Variants in SPINT4 observed in about 807,000 individuals in gnomAD.
SPINT4 encodes the protein kunitz-type protease inhibitor 4.
SPINT4 carries 7 observed loss-of-function variants against 9.4 expected under a neutral mutation model. That is an observed-to-expected ratio of 0.74 (90% CI 0.42 to 1.40). SPINT4 has a LOEUF of 1.40. SPINT4 is among the 40% of genes most tolerant of loss of function. SPINT4 has a pLI of 0.01. For missense variants in SPINT4, 105 were observed against 114.4 expected, an observed-to-expected ratio of 0.92 and a Z score of 0.37; for synonymous variants, 36 against 39.9, an observed-to-expected ratio of 0.90 and a Z score of 0.37.
intron 1 of SPINT4, among the ~76,000 whole-genome samples, chr20:45,723,667 A>G (rs1392062650): frequency 6.6e-6 from 1 of 152,128 alleles, no homozygotes. Flanking sequence ...TACACTGCTC[A>G]CGACAACAAC....
intron 2 of SPINT4, among the ~76,000 whole-genome samples, chr20:45,724,529 AAAAAC>A (rs1347574200): frequency 3.2e-5 from 4 of 123,420 alleles, no homozygotes; most frequent in Admixed American, 7.7e-5. Flanking sequence ...AAAAAAAAAA[AAAAAC>A]CACATTTGGG....
chr20:45,723,738 A>G, intron 1 of SPINT4, 142 bp from the exon 2 acceptor site: 1 of 696,458 alleles, frequency 1.4e-6, no homozygotes, highest in Non-Finnish European at 2.3e-6. Context: ...TCTAACTCCA[A>G]GAGAAAACCA....
At chr20:45,724,995 A>AATATATATATATATAT (rs1156730831) in intron 2 of SPINT4, among the ~76,000 whole-genome samples, 1 of 36,430 alleles carries the variant, frequency 2.7e-5, no homozygotes, top group Non-Finnish European at 4.3e-5. Flanking sequence ...AAAAAAAAAA[A>AATATATATATATATAT]ATATATATAT....
rs761064193 is a variant in SPINT4 at position 45,724,054 on chromosome 20, C to G, written c.290C>G (p.Pro97Arg). The G allele has an allele frequency of 1.4e-5, 22 of 1,604,724 alleles. 2 individuals carry two copies. The highest frequency in any genetic ancestry group is 1.7e-5 in the Non-Finnish European group (20 of 1,177,416). Residue 97 changes from proline (P) to arginine (R), a missense_variant, in exon 2 of 3, where the codon CCA (proline) becomes CGA (arginine). By Grantham distance (103) the Pro-to-Arg change is moderately radical. Transcript: ENST00000279058. ...GTAGCCTGTGTTGCAAAATACAAAC[C>G]ACCGTAAGGAATCTAATCCTGTCCT... ...REVACVAKYK[P>R]PR
intron 2 of SPINT4, 70 bp from the exon 3 acceptor site, chr20:45,725,559 G>C: frequency 3.2e-6 from 5 of 1,561,962 alleles, no homozygotes; most frequent in Non-Finnish European, 4.4e-6. Context: ...AAAATGACCT[G>C]CATTAATCCA....
Position 45,723,997 on chromosome 20 carries a change from T to C in SPINT4, c.233T>C (p.Leu78Pro). 6.2e-7 allele frequency: 1 copy of C among 1,610,350 alleles called. No homozygotes were observed. Among genetic ancestry groups the C allele is most frequent in the Non-Finnish European group, 8.5e-7 (1 of 1,178,974 alleles). Residue 78 changes from leucine (L) to proline (P), a missense_variant, in exon 2 of 3, where the codon CTT (leucine) becomes CCT (proline). By Grantham distance (98) the Leu-to-Pro change is moderately conservative. Transcript: ENST00000279058. ...GTCTTCTCCGGCTGTAATGGCAACC[T>C]TAACAACTTCAAGCTTAAAATAGAA... ...TFVFSGCNGN[L>P]NNFKLKIERE...
In SPINT4 at chr20:45,723,984, T is replaced by C. The variant is rs1984865083; in HGVS notation, c.220T>C (p.Cys74Arg). ...KRCETFVFSG[C>R]NGNLNNFKLK... The stretch of plus-strand genomic sequence containing the variant: ...ATGTGAAACTTTTGTCTTCTCCGGC[T>C]GTAATGGCAACCTTAACAACTTCAA... Residue 74 changes from cysteine (C) to arginine (R), a missense_variant, in exon 2 of 3, where the codon TGT becomes CGT. Transcript: ENST00000279058. 1 of 1,610,724 alleles carries C rather than the reference T, an allele frequency of 6.2e-7. No individual in the cohort carries two copies. The highest frequency in any genetic ancestry group is 2.2e-5 in the East Asian group (1 of 44,790).
chr20:45,723,759 A>G (rs1016176223), intron 1 of SPINT4, 121 bp from the exon 2 acceptor site: 1 of 779,936 alleles, frequency 1.3e-6, no homozygotes, highest in Non-Finnish European at 2.0e-6. Context: ...CATCTTTCAG[A>G]GTCCTTGAAT....
intron 2 of SPINT4, among the ~76,000 whole-genome samples, chr20:45,724,599 A>G (rs941412349): frequency 2.6e-5 from 4 of 151,536 alleles, no homozygotes; most frequent in African/African-American, 9.7e-5. Flanking sequence ...ATGCCCAGAG[A>G]GAAAATAATA....
At position 45,722,494 on chromosome 20, in the gene SPINT4, A is replaced by G. The variant is rs1171439423; in HGVS notation, c.115+12A>G. The G allele has an allele frequency of 6.4e-7, 1 of 1,569,474 alleles. No homozygotes were observed. The highest frequency in any genetic ancestry group is 8.8e-7 in the Non-Finnish European group (1 of 1,139,166). ...TGGAGACCTCAAAGGTATGAAGCTA[A>G]GGCAGAAAATAAATCCAAAGGTCAA... On this transcript the variant is annotated intron_variant, in intron 1 of 2. Transcript: ENST00000279058.
chr20:45,723,666 C>G (rs906638859), intron 1 of SPINT4, among the ~76,000 whole-genome samples: 1 of 152,104 alleles, frequency 6.6e-6, no homozygotes, highest in African/African-American at 2.4e-5. Flanking sequence ...ATACACTGCT[C>G]ACGACAACAA....
intron 2 of SPINT4, among the ~76,000 whole-genome samples, chr20:45,725,015 T>TATACACATATATATATATATACAC (rs1555809006): frequency 8.8e-6 from 1 of 113,522 alleles, no homozygotes; most frequent in African/African-American, 3.8e-5. Flanking sequence ...TATATATATA[T>TATACACATATATATATATATACAC]ATATATATAT....
intron 2 of SPINT4, 35 bp downstream of exon 2, chr20:45,724,092 G>A (rs761414529): frequency 2.6e-6 from 4 of 1,566,038 alleles, no homozygotes; most frequent in East Asian, 4.7e-5. Flanking sequence ...GTCCTTGGGG[G>A]TAGTAAAAGA....
chr20:45,724,135 G>C, intron 2 of SPINT4, 78 bp downstream of exon 2: 1 of 1,416,212 alleles, frequency 7.1e-7, no homozygotes, highest in Non-Finnish European at 9.6e-7. Flanking sequence ...AGAGAAAATT[G>C]ATCAGGGGCT....
chr20:45,724,381 G>A (rs993339555), intron 2 of SPINT4, among the ~76,000 whole-genome samples: 17 of 151,494 alleles, frequency 1.1e-4, no homozygotes, highest in African/African-American at 3.9e-4. Context: ...CCAGCTACTC[G>A]GGAGGCTGAG....
intron 2 of SPINT4, among the ~76,000 whole-genome samples, chr20:45,724,993 A>AT (rs1303222283): frequency 1.6e-3 from 60 of 38,526 alleles, no homozygotes; most frequent in Non-Finnish European, 2.2e-3. Flanking sequence ...AAAAAAAAAA[A>AT]AAATATATAT....
At chr20:45,723,414 G>A (rs2145654944) in intron 1 of SPINT4, among the ~76,000 whole-genome samples, 1 of 152,058 alleles carries the variant, frequency 6.6e-6, no homozygotes, top group South Asian at 2.1e-4. Flanking sequence ...AAAGATAGCA[G>A]CAGCCATGGT....
intron 1 of SPINT4, among the ~76,000 whole-genome samples, chr20:45,722,852 A>G (rs1307889893): frequency 6.6e-6 from 1 of 152,160 alleles, no homozygotes; most frequent in African/African-American, 2.4e-5. Flanking sequence ...CATTTTCAGT[A>G]TCTGGGCTAT....
chr20:45,724,993 A>AAT lies in SPINT4; in HGVS notation c.294-635_294-634insTA, dbSNP rs1555808978. On this transcript the variant is annotated intron_variant, in intron 2 of 2. Coordinates refer to ENST00000279058, the MANE Select transcript of SPINT4 (RefSeq NM_178455.3). ...AGACTCCATCTCAAAAAAAAAAAAA[A>AAT]AAATATATATATATATATATATATA... 1.0e-4 allele frequency among the ~76,000 whole-genome samples: 4 copies of AAT among 38,580 alleles called. No individual in the cohort carries two copies. In the East Asian group the frequency reaches 3.7e-3, roughly 35 times the overall value. The allele number at this position is 38,580 out of a possible 152,430, so 25.3% of individuals were successfully genotyped here.
Sources: gnomAD v4.1 joint callset for allele counts (sites outside exome capture counted in the v4.1 genomes callset) on GRCh38, gnomAD v4.1.1 for gene constraint, MANE v1.5 for transcripts, NCBI Gene and HGNC (gene_info 2026-07-23, HGNC 2026-07-21) for gene names.